The following FLT1 variants were observed in gnomAD, a reference collection of about 807,000 sequenced individuals.
FLT1 encodes fms related receptor tyrosine kinase 1.
In FLT1, 49 loss-of-function variants were observed where a neutral mutation model predicts 156.3. The observed-to-expected ratio is 0.31, with a 90% CI of 0.25 to 0.40. FLT1 has a LOEUF of 0.40. FLT1 is among the 10% of genes least tolerant of loss of function. The probability of loss-of-function intolerance (pLI) is 1.00; values close to 1 mark genes in which losing one functional copy is unlikely to be tolerated. For synonymous variants in FLT1, 594 were observed against 583.8 expected, an observed-to-expected ratio of 1.02 and a Z score of -0.25; for missense variants, 1,322 against 1,637.2, an observed-to-expected ratio of 0.81 and a Z score of 3.32.
chr13:28,431,731 C>G (rs1042141883), intron 6 of FLT1, among the ~76,000 whole-genome samples: 1 of 152,142 alleles, frequency 6.6e-6, no homozygotes, highest in African/African-American at 2.4e-5. Flanking sequence ...GTAACCTGTT[C>G]CCTAGGCATA....
intron 3 of FLT1, among the ~76,000 whole-genome samples, chr13:28,451,049 G>A (rs183790498): frequency 6.6e-6 from 1 of 152,314 alleles, no homozygotes; most frequent in Admixed American, 6.5e-5. Context: ...CGGAAACCAA[G>A]CTTCAGTCAT....
Position 28,319,384 on chromosome 13 carries a change from T to C in FLT1, c.3286+39A>G, listed in dbSNP as rs1871345548. 5 of 1,300,566 alleles carry C rather than the reference T, an allele frequency of 3.8e-6. No individual in the cohort carries two copies. The East Asian group carries it at 1.2e-4, about 30-fold the overall frequency. The allele number at this position is 1,300,566 out of a possible 1,614,324, so 80.6% of individuals were successfully genotyped here. On this transcript the variant is annotated intron_variant, in intron 24 of 29. Coordinates refer to ENST00000282397, the MANE Select transcript of FLT1 (RefSeq NM_002019.4). Reference sequence around the variant, plus strand: ...ATTCAGCAGAAGATGCAGACATTTATTTCTGGGCTGTTTGATTTCTTCCTT... The same window carrying C: ...ATTCAGCAGAAGATGCAGACATTTACTTCTGGGCTGTTTGATTTCTTCCTT...
At chr13:28,470,593 A>C (rs1880111183) in intron 1 of FLT1, among the ~76,000 whole-genome samples, 1 of 152,178 alleles carries the variant, frequency 6.6e-6, no homozygotes. Context: ...TTTCTTTATC[A>C]GCAACTTAGA....
chr13:28,399,407 C>T (rs1875286764), intron 11 of FLT1, among the ~76,000 whole-genome samples: 1 of 152,112 alleles, frequency 6.6e-6, no homozygotes, highest in Admixed American at 6.6e-5. Flanking sequence ...AAATTATGGA[C>T]AGCATTTATC....
At chr13:28,460,152 A>C (rs891083522) in intron 3 of FLT1, among the ~76,000 whole-genome samples, 6 of 152,208 alleles carry the variant, frequency 3.9e-5, no homozygotes, top group African/African-American at 1.4e-4. Flanking sequence ...TGTGTGCCAA[A>C]TTGTGTCAGA....
intron 20 of FLT1, among the ~76,000 whole-genome samples, chr13:28,325,680 G>A (rs1593681872): frequency 6.6e-6 from 1 of 152,020 alleles, no homozygotes; most frequent in Non-Finnish European, 1.5e-5. Flanking sequence ...TGGGCGTTGT[G>A]GCGGGCTCCT....
At chr13:28,445,440 A>T (rs1298530039) in intron 3 of FLT1, among the ~76,000 whole-genome samples, 3 of 152,198 alleles carry the variant, frequency 2.0e-5, no homozygotes, top group African/African-American at 7.2e-5. Context: ...GTGCCACTGC[A>T]CTCCAGCCTG....
intron 3 of FLT1, among the ~76,000 whole-genome samples, chr13:28,457,562 C>A (rs1427955465): frequency 6.6e-6 from 1 of 152,166 alleles, no homozygotes; most frequent in Non-Finnish European, 1.5e-5. Flanking sequence ...AAATGACACA[C>A]AACAAATATT....
At chr13:28,457,083 A>G (rs1248167499) in intron 3 of FLT1, among the ~76,000 whole-genome samples, 1 of 152,078 alleles carries the variant, frequency 6.6e-6, no homozygotes, top group Admixed American at 6.6e-5. Context: ...AATGAAGACT[A>G]TGCATGTGGG....
At chr13:28,402,564 T>C (rs956220011) in intron 11 of FLT1, among the ~76,000 whole-genome samples, 2 of 151,940 alleles carry the variant, frequency 1.3e-5, no homozygotes, top group Non-Finnish European at 2.9e-5. Flanking sequence ...TATATAGATA[T>C]AAAATATATC....
At chr13:28,464,855 T>C (rs754975577) in intron 3 of FLT1, among the ~76,000 whole-genome samples, 1 of 152,180 alleles carries the variant, frequency 6.6e-6, no homozygotes, top group Non-Finnish European at 1.5e-5. Flanking sequence ...AAAGAGATGG[T>C]TTTCTTTTTA....
chr13:28,479,225 T>C (rs1566054842), intron 1 of FLT1, among the ~76,000 whole-genome samples: 2 of 152,206 alleles, frequency 1.3e-5, no homozygotes, highest in South Asian at 2.1e-4. Flanking sequence ...CATAGGGGAA[T>C]TGAGTTTTTG....
intron 16 of FLT1, among the ~76,000 whole-genome samples, chr13:28,343,864 G>A (rs571448418): frequency 3.4e-4 from 51 of 150,950 alleles, no homozygotes; most frequent in Middle Eastern, 3.4e-3. Context: ...CGATGGTCTC[G>A]ATCTCCTGAT....
chr13:28,391,566 T>G (rs1240236087), intron 12 of FLT1, among the ~76,000 whole-genome samples: 1 of 152,234 alleles, frequency 6.6e-6, no homozygotes, highest in Admixed American at 6.5e-5. Flanking sequence ...CATGTCTCCT[T>G]GAAATGTATA....
In FLT1 at chr13:28,311,609, C is replaced by G; in HGVS notation, c.3616G>C (p.Gly1206Arg). 1 of 1,613,578 alleles carries G rather than the reference C, an allele frequency of 6.2e-7. No homozygotes were observed. Among genetic ancestry groups the G allele is most frequent in the South Asian group, 1.1e-5 (1 of 91,062 alleles). The change falls in exon 27 of 30, where the codon GGA (glycine) becomes CGA (arginine). Residue 1206 changes from glycine to arginine, a missense_variant. Gly to Arg is a moderately radical substitution (Grantham distance 125). This residue lies in a region of FLT1 where 329 missense variants were observed against 366.2 expected (regional missense o/e 0.90). Coordinates refer to ENST00000282397, the MANE Select transcript of FLT1 (RefSeq NM_002019.4). Reference protein sequence around the residue: ...ESISAPKFNSGSSDDVRYVNA... With the variant: ...ESISAPKFNSRSSDDVRYVNA... ...TCTTACCTGACATCATCAGAGCTTC[C>G]TGAATTAAACTTCGGAGCTGAAATA...
At chr13:28,431,712 C>G (rs1877693781) in intron 6 of FLT1, among the ~76,000 whole-genome samples, 2 of 151,802 alleles carry the variant, frequency 1.3e-5, no homozygotes, top group Admixed American at 6.6e-5. Context: ...ACACACACCT[C>G]TCTACACAGT....
At chr13:28,473,741 G>A (rs1325467545) in intron 1 of FLT1, among the ~76,000 whole-genome samples, 146 of 56,006 alleles carry the variant, frequency 2.6e-3, no homozygotes, top group East Asian at 9.2e-3. Flanking sequence ...AAGGAAGGAA[G>A]GAAGGAAGGA....
Position 28,431,264 on chromosome 13 carries a change from G to A in FLT1, c.860C>T (p.Ser287Phe). The part of the protein sequence containing the change: ...SVRRRIDQSN[S>F]HANIFYSVLT... ...AACACTGTAGAATATGTTGGCATGG[G>A]AATTGCTTTGGTCAATTCGTCGCCT... Residue 287 changes from serine (S) to phenylalanine (F), a missense_variant, in exon 7 of 30, where the codon TCC becomes TTC. By Grantham distance (155) the Ser-to-Phe change is radical. Coordinates refer to ENST00000282397, the MANE Select transcript of FLT1 (RefSeq NM_002019.4). 6.2e-7 allele frequency: 1 copy of A among 1,613,808 alleles called. No individual in the cohort carries two copies. The highest frequency in any genetic ancestry group is 2.2e-5 in the East Asian group (1 of 44,870).
chr13:28,427,150 T>C lies in FLT1; in HGVS notation c.1436+9A>G, dbSNP rs747037333. 5 of 1,613,494 alleles carry C rather than the reference T, an allele frequency of 3.1e-6. No individual in the cohort carries two copies. In the Admixed American group the frequency reaches 6.7e-5, roughly 22 times the overall value. ...TTTGAAAGTTAGTAAAAAAACTGAC[T>C]GTCCCTACCTTGCTTCGGAATGATT... is the stretch of plus-strand genomic sequence containing the variant. On this transcript the variant is annotated intron_variant, in intron 10 of 29. Coordinates refer to ENST00000282397, the MANE Select transcript of FLT1 (RefSeq NM_002019.4).
Sources: gnomAD v4.1 joint callset for allele counts (sites outside exome capture counted in the v4.1 genomes callset) on GRCh38, gnomAD v4.1.1 for gene constraint, gnomAD v4.1.1 regional missense constraint, MANE v1.5 for transcripts, NCBI Gene and HGNC (gene_info 2026-07-23, HGNC 2026-07-21) for gene names.